Variants in ANAPC7 observed in about 807,000 individuals in gnomAD.
ANAPC7 encodes anaphase-promoting complex subunit 7.
In ANAPC7, 25 loss-of-function variants were observed where a neutral mutation model predicts 63.3. That is an observed-to-expected ratio of 0.39 (90% CI 0.29 to 0.55). The LOEUF (loss-of-function observed/expected upper bound fraction) is 0.55, where lower values mean the gene tolerates loss of function less well. ANAPC7 is among the 20% of genes least tolerant of loss of function. The pLI is 0.57. For missense variants in ANAPC7, 516 were observed against 691.7 expected (o/e 0.75, Z 2.85); for synonymous variants, 241 against 251.7 (o/e 0.96, Z 0.40).
chr12:110,394,398 G>A (rs532216386), intron 3 of ANAPC7, among the ~76,000 whole-genome samples: 1 of 151,762 alleles, frequency 6.6e-6, no homozygotes, highest in Non-Finnish European at 1.5e-5. Flanking sequence ...AGGCCGAGGT[G>A]GGCGGATCAC....
Position 110,388,567 on chromosome 12 carries a change from G to A in ANAPC7, c.465C>T (p.Val155=). 3 of 1,614,188 alleles carry A rather than the reference G, an allele frequency of 1.9e-6. No individual in the cohort carries two copies. The highest frequency in any genetic ancestry group is 2.5e-6 in the Non-Finnish European group (3 of 1,180,042). The part of the protein sequence containing the change: ...YKKAGQERPS[V]TSYKEVLRQC... Reference sequence around the variant, plus strand: ...GCCTCAGCACCTCCTTATAGCTGGTGACTGAAGGGCGCTCCTGACCAGCCT... The same window carrying A: ...GCCTCAGCACCTCCTTATAGCTGGTAACTGAAGGGCGCTCCTGACCAGCCT... The change falls in exon 4 of 11, where the codon GTC becomes GTT. Residue 155 remains valine, a synonymous_variant. Coordinates refer to ENST00000455511, the MANE Select transcript of ANAPC7 (RefSeq NM_016238.3).
In ANAPC7 at chr12:110,403,667, C is replaced by T. The variant is rs1405896601; in HGVS notation, c.-40G>A. On this transcript the variant is annotated 5_prime_UTR_variant, in exon 1 of 11. Transcript: ENST00000455511. ...CCGCGGGCAGCGGCGGCAGCACTGA[C>T]TCGAAAAGCCGGTAGAGGATCCTTA... The T allele has an allele frequency of 2.6e-6, 4 of 1,562,206 alleles. No homozygotes were observed. The African/African-American group carries it at 4.1e-5, about 16-fold the overall frequency.
At chr12:110,394,630 T>C (rs1022254633) in intron 3 of ANAPC7, among the ~76,000 whole-genome samples, 9 of 131,082 alleles carry the variant, frequency 6.9e-5, no homozygotes, top group African/African-American at 1.8e-4. Context: ...CCCCATGCTA[T>C]TGCACTCCAG....
At chr12:110,382,457 A>ATATATACATATATATATATAT (rs1251192302) in intron 7 of ANAPC7, among the ~76,000 whole-genome samples, 4 of 65,268 alleles carry the variant, frequency 6.1e-5, no homozygotes, top group African/African-American at 2.8e-4. Flanking sequence ...AAAAAAAAAA[A>ATATATACATATATATATATAT]AAAAATATAT....
In ANAPC7 at chr12:110,382,892, G is replaced by A. The variant is rs566999197; in HGVS notation, c.886C>T (p.Arg296Cys). The A allele has an allele frequency of 1.4e-5, 23 of 1,613,882 alleles. No individual in the cohort carries two copies. Among genetic ancestry groups the A allele is most frequent in the African/African-American group, 4.0e-5 (3 of 74,992 alleles). The change falls in exon 7 of 11, where the codon CGC (arginine) becomes TGC (cysteine). Residue 296 changes from arginine (R) to cysteine (C), a missense_variant. This residue lies in a region of ANAPC7 where 199 missense variants were observed against 249.3 expected (regional missense o/e 0.80). Coordinates refer to ENST00000455511, the MANE Select transcript of ANAPC7 (RefSeq NM_016238.3). Reference sequence around the variant, plus strand: ...TGCTGATCAGAGATATTGAAAAGGCGGCATCCAAGGTTCTCAACATCCTCT... The same window carrying A: ...TGCTGATCAGAGATATTGAAAAGGCAGCATCCAAGGTTCTCAACATCCTCT... ...RLEDVENLGC[R>C]LFNISDQHAE...
At chr12:110,395,572 G>A (rs370370004) in intron 2 of ANAPC7, among the ~76,000 whole-genome samples, 1 of 151,730 alleles carries the variant, frequency 6.6e-6, no homozygotes, top group Non-Finnish European at 1.5e-5. Flanking sequence ...TTACAGGTGT[G>A]AGCCACTGTG....
At chr12:110,399,022 C>A (rs183089014) in intron 1 of ANAPC7, among the ~76,000 whole-genome samples, 35 of 136,260 alleles carry the variant, frequency 2.6e-4, no homozygotes, top group Admixed American at 4.4e-4. Context: ...CTGAATAATT[C>A]TTTTTTTTTT....
At chr12:110,392,987 G>A (rs373287464) in intron 3 of ANAPC7, among the ~76,000 whole-genome samples, 112 of 152,124 alleles carry the variant, frequency 7.4e-4, no homozygotes, top group African/African-American at 2.6e-3. Flanking sequence ...TAGAGACGGG[G>A]TTTCTCCATG....
At position 110,374,272 on chromosome 12, in the gene ANAPC7, G is replaced by A; in HGVS notation, c.1570C>T (p.Pro524Ser). The change falls in exon 11 of 11, where the codon CCC (proline) becomes TCC (serine). Residue 524 changes from proline to serine, a missense_variant. Physicochemically the swap from Pro to Ser is moderately conservative, Grantham distance 74. Around this residue, in one of 4 missense-constraint regions of ANAPC7, gnomAD observed 122 missense variants for 212.0 expected, o/e 0.58. Transcript: ENST00000455511. ...GMQKMEKEES[P>S]TDATQEEDVD... The stretch of plus-strand genomic sequence containing the variant: ...TCCTCCTCCTGAGTGGCATCCGTGG[G>A]ACTCTCCTCCTTCTCCATCTTCTGC... 1.2e-6 allele frequency: 2 copies of A among 1,614,116 alleles called. No individual in the cohort carries two copies. Among genetic ancestry groups the A allele is most frequent in the Non-Finnish European group, 1.7e-6 (2 of 1,180,028 alleles).
At chr12:110,375,334 A>G in intron 10 of ANAPC7, 1 of 784,756 alleles carries the variant, frequency 1.3e-6, no homozygotes, top group Non-Finnish European at 1.5e-6. Context: ...TAGCATCTCC[A>G]GTTGTCACTG....
chr12:110,402,013 TAA>T (rs2062236974), intron 1 of ANAPC7, among the ~76,000 whole-genome samples: 1 of 131,720 alleles, frequency 7.6e-6, no homozygotes, highest in African/African-American at 2.9e-5. Context: ...CTGTTTCTAC[TAA>T]AATAACAAAA....
intron 9 of ANAPC7, among the ~76,000 whole-genome samples, chr12:110,377,037 T>G (rs1002196814): frequency 1.3e-5 from 2 of 149,960 alleles, no homozygotes; most frequent in Non-Finnish European, 2.9e-5. Context: ...CTCAGGAGGC[T>G]GAGGCAGAAG....
At chr12:110,395,297 TTATCA>T in intron 2 of ANAPC7, 77 bp from the exon 3 acceptor site, 1 of 1,432,288 alleles carries the variant, frequency 7.0e-7, no homozygotes, top group Non-Finnish European at 9.4e-7. Context: ...AAACATAGAG[TTATCA>T]TATGACCCAG....
At chr12:110,383,777 G>T (rs552125500) in intron 6 of ANAPC7, among the ~76,000 whole-genome samples, 4 of 148,446 alleles carry the variant, frequency 2.7e-5, no homozygotes, top group African/African-American at 9.9e-5. Flanking sequence ...TCAGGAGGCT[G>T]AGGCAGGAGA....
At chr12:110,384,197 G>A (rs1056938108) in intron 6 of ANAPC7, among the ~76,000 whole-genome samples, 2 of 150,712 alleles carry the variant, frequency 1.3e-5, no homozygotes, top group African/African-American at 4.9e-5. Context: ...GTAAGACTAT[G>A]TCTAAAACAT....
chr12:110,381,953 A>C lies in ANAPC7; in HGVS notation c.936-5T>G. 6.7e-6 allele frequency: 4 copies of C among 599,104 alleles called. No homozygotes were observed. The highest frequency in any genetic ancestry group is 9.6e-6 in the Non-Finnish European group (4 of 417,280). The allele number at this position is 599,104 out of a possible 1,614,324, so 37.1% of individuals were successfully genotyped here. ...TTGCTATAGAAGCTGTGACAGCTGG[A>C]GAAAAAAAAAAAAAAAAAAACACAA... On this transcript the variant is annotated splice_polypyrimidine_tract_variant and splice_region_variant and intron_variant, in intron 7 of 10. Coordinates refer to ENST00000455511, the MANE Select transcript of ANAPC7 (RefSeq NM_016238.3).
At chr12:110,395,291 A>ATGT (rs1450536608) in intron 2 of ANAPC7, 71 bp from the exon 3 acceptor site, 18 of 1,474,370 alleles carry the variant, frequency 1.2e-5, no homozygotes, top group Non-Finnish European at 1.5e-5. Context: ...AACGTTAAAC[A>ATGT]TAGAGTTATC....
Position 110,382,950 on chromosome 12 carries a change from T to C in ANAPC7, c.828A>G (p.Val276=). 2 of 1,613,170 alleles carry C rather than the reference T, an allele frequency of 1.2e-6. No homozygotes were observed. The highest frequency in any genetic ancestry group is 1.7e-6 in the Non-Finnish European group (2 of 1,179,416). ...LDPYLIKGMD[V]YGYLLAREGR... is the part of the protein sequence containing the mutation. ...CTTCTCGTGCCAGTAGGTAGCCATA[T>C]ACATCCATTCCTAGAAGAGAAGGAC... Residue 276 remains valine, a synonymous_variant, in exon 7 of 11, where the codon GTA becomes GTG. Coordinates refer to ENST00000455511, the MANE Select transcript of ANAPC7 (RefSeq NM_016238.3).
chr12:110,377,854 GGGAA>G, intron 8 of ANAPC7: 14 of 1,387,904 alleles, frequency 1.0e-5, no homozygotes, highest in Non-Finnish European at 1.2e-5. Flanking sequence ...CTTCAGTTTA[GGGAA>G]GGAAACAAGC....
Sources: gnomAD v4.1 joint callset for allele counts (sites outside exome capture counted in the v4.1 genomes callset) on GRCh38, gnomAD v4.1.1 for gene constraint, gnomAD v4.1.1 regional missense constraint, MANE v1.5 for transcripts, NCBI Gene and HGNC (gene_info 2026-07-23, HGNC 2026-07-21) for gene names.